GIGYF2: variants seen among roughly 807,000 people sequenced by gnomAD.
GIGYF2 encodes the protein GRB10-interacting GYF protein 2.
A neutral mutation model predicts 208.1 loss-of-function variants in GIGYF2; 25 were observed. The ratio of observed to expected loss-of-function variants is 0.12; its 90% CI spans 0.09 to 0.17. GIGYF2 has a LOEUF of 0.17. GIGYF2 is among the 10% of genes least tolerant of loss of function. The probability of loss-of-function intolerance (pLI) is 1.00; values close to 1 mark genes in which losing one functional copy is unlikely to be tolerated. For synonymous variants in GIGYF2, 534 were observed against 543.8 expected (o/e 0.98, Z 0.25); for missense variants, 1,302 against 1,579.4 (o/e 0.82, Z 2.98).
chr2:232,717,855 T>C (rs1696760287), intron 2 of GIGYF2, among the ~76,000 whole-genome samples: 1 of 152,076 alleles, frequency 6.6e-6, no homozygotes, highest in Non-Finnish European at 1.5e-5. Flanking sequence ...AAGGCATTCA[T>C]GAGGGATCTG....
chr2:232,855,807 T>G (rs1034552970), intron 28 of GIGYF2, among the ~76,000 whole-genome samples: 2 of 151,832 alleles, frequency 1.3e-5, no homozygotes, highest in African/African-American at 2.4e-5. Context: ...CCCACCCCCA[T>G]CTCTTTTAAG....
chr2:232,744,117 A>G (rs957998542), intron 3 of GIGYF2, among the ~76,000 whole-genome samples: 5 of 152,146 alleles, frequency 3.3e-5, no homozygotes, highest in African/African-American at 1.2e-4. Context: ...AAGTGCTGGG[A>G]TTACAAGCAT....
chr2:232,738,455 C>G (rs926275281), intron 3 of GIGYF2, among the ~76,000 whole-genome samples: 1 of 152,184 alleles, frequency 6.6e-6, no homozygotes, highest in African/African-American at 2.4e-5. Flanking sequence ...TACTCCCTAT[C>G]TCTCTTCCTT....
chr2:232,794,261 G>A (rs568652784), intron 12 of GIGYF2, among the ~76,000 whole-genome samples: 1 of 152,292 alleles, frequency 6.6e-6, no homozygotes, highest in South Asian at 2.1e-4. Context: ...TAGACTCCAA[G>A]TGCTTCTAAT....
intron 6 of GIGYF2, among the ~76,000 whole-genome samples, chr2:232,758,995 A>G (rs1037442455): frequency 6.6e-6 from 1 of 152,220 alleles, no homozygotes; most frequent in African/African-American, 2.4e-5. Flanking sequence ...TAACTTTATT[A>G]TAGTTCCACC....
At chr2:232,771,325 A>G (rs1344890602) in intron 8 of GIGYF2, 1 of 1,612,610 alleles carries the variant, frequency 6.2e-7, no homozygotes, top group African/African-American at 1.3e-5. Flanking sequence ...TCTTTGACTT[A>G]GGAGAGGAGC....
At chr2:232,780,210 C>T (rs1699665950) in intron 8 of GIGYF2, among the ~76,000 whole-genome samples, 4 of 152,186 alleles carry the variant, frequency 2.6e-5, no homozygotes, top group Admixed American at 6.5e-5. Context: ...TTTTACTGCT[C>T]TTTCTCCTTA....
At chr2:232,787,898 G>C (rs1298151440) in intron 9 of GIGYF2, among the ~76,000 whole-genome samples, 1 of 152,196 alleles carries the variant, frequency 6.6e-6, no homozygotes, top group Non-Finnish European at 1.5e-5. Context: ...AAGTTCTTCT[G>C]TTTGTCTCTT....
chr2:232,815,613 G>A lies in GIGYF2; in HGVS notation c.2108-24G>A, dbSNP rs559958108. ...ATGTGTGTAAGCTCTGTCATTCCTC[G>A]TTGTTTCTTTTGTTGTCTTACAGTT... On this transcript the variant is annotated intron_variant, in intron 18 of 28. Transcript: ENST00000373563. The A allele has an allele frequency of 3.4e-5, 41 of 1,219,516 alleles. 1 individual carries two copies. The highest frequency in any genetic ancestry group is 1.9e-4 in the Middle Eastern group (1 of 5,294). 75.5% of individuals were successfully genotyped at this position (1,219,516 alleles called of 1,614,324 possible). A position where few individuals can be genotyped will look rare whatever the true frequency, so the allele number is the denominator to read the frequency against.
chr2:232,818,010 T>G (rs763017999), intron 20 of GIGYF2, among the ~76,000 whole-genome samples: 9 of 152,216 alleles, frequency 5.9e-5, no homozygotes, highest in Admixed American at 2.0e-4. Context: ...TCCCAGTGTC[T>G]CCACATTCTC....
chr2:232,702,803 T>C (rs1429900866), intron 1 of GIGYF2, among the ~76,000 whole-genome samples: 1 of 152,226 alleles, frequency 6.6e-6, no homozygotes, highest in African/African-American at 2.4e-5. Context: ...CTGTTAGATA[T>C]ATATTTTTTG....
intron 17 of GIGYF2, 30 bp downstream of exon 17, chr2:232,811,381 G>A: frequency 8.4e-7 from 1 of 1,195,662 alleles, no homozygotes; most frequent in East Asian, 2.3e-5. Context: ...TGTGTCATAT[G>A]GGGTGCATGT....
intron 8 of GIGYF2, among the ~76,000 whole-genome samples, chr2:232,781,564 A>G (rs1310451275): frequency 1.3e-5 from 2 of 150,694 alleles, no homozygotes; most frequent in East Asian, 1.9e-4. Flanking sequence ...GGTCTTAACC[A>G]TTTTTTTTTC....
At chr2:232,805,683 G>T (rs371719852) in intron 14 of GIGYF2, among the ~76,000 whole-genome samples, 1 of 152,100 alleles carries the variant, frequency 6.6e-6, no homozygotes, top group Non-Finnish European at 1.5e-5. Context: ...GGGAATTCAC[G>T]ATCATGTCAT....
At chr2:232,798,790 G>GT (rs137988140) in intron 14 of GIGYF2, among the ~76,000 whole-genome samples, 2,184 of 143,198 alleles carry the variant, frequency 0.015, 59 homozygotes, top group African/African-American at 0.051. Context: ...CTTATTTTAC[G>GT]TTTTTTTTTT....
intron 25 of GIGYF2, among the ~76,000 whole-genome samples, chr2:232,844,857 G>A (rs1465906622): frequency 6.6e-6 from 1 of 152,104 alleles, no homozygotes; most frequent in Non-Finnish European, 1.5e-5. Context: ...TTGTTGTGTT[G>A]TTGAACATTT....
chr2:232,788,887 C>A (rs1331510843), intron 9 of GIGYF2, among the ~76,000 whole-genome samples: 1 of 151,940 alleles, frequency 6.6e-6, no homozygotes, highest in African/African-American at 2.4e-5. Context: ...ATATAAAGAT[C>A]CCCCAAATAT....
chr2:232,746,160 A>G (rs1698141759), intron 3 of GIGYF2, among the ~76,000 whole-genome samples: 1 of 151,886 alleles, frequency 6.6e-6, no homozygotes, highest in Admixed American at 6.6e-5. Context: ...AAATACAAAA[A>G]ATTTTCCACA....
Position 232,806,405 on chromosome 2 carries a change from T to G in GIGYF2, c.1640-86T>G. On this transcript the variant is annotated intron_variant, in intron 14 of 28. Coordinates refer to ENST00000373563, the MANE Select transcript of GIGYF2 (RefSeq NM_001103146.3). The surrounding 1 kb of genome is among the most constrained non-coding windows in gnomAD (Gnocchi z 4.0). The stretch of plus-strand genomic sequence containing the variant: ...AACATTTTGACAGATGCCACCTCGA[T>G]GAGAATCAGATGCAGGAAATATTTT... 1 of 938,360 alleles carries G rather than the reference T, an allele frequency of 1.1e-6. No individual in the cohort carries two copies. The highest frequency in any genetic ancestry group is 1.8e-6 in the Non-Finnish European group (1 of 564,630). 58.1% of individuals were successfully genotyped at this position (938,360 alleles called of 1,614,324 possible).
Sources: allele counts gnomAD v4.1 joint callset (sites outside exome capture counted in the v4.1 genomes callset), GRCh38; gene constraint gnomAD v4.1.1; non-coding constraint Gnocchi (gnomAD v3.1); transcripts MANE v1.5; gene names NCBI Gene and HGNC (gene_info 2026-07-23, HGNC 2026-07-21).